Variants in AGBL5 observed in about 807,000 individuals in gnomAD.
The protein encoded by AGBL5 is cytosolic carboxypeptidase-like protein 5.
AGBL5 carries 51 observed loss-of-function variants against 88.0 expected under a neutral mutation model. The observed-to-expected ratio is 0.58, with a 90% CI of 0.46 to 0.73. The LOEUF (loss-of-function observed/expected upper bound fraction) is 0.73. Ranked by LOEUF, AGBL5 falls within the 30% of genes least tolerant of loss-of-function variation. The pLI is 0.00. For missense variants in AGBL5, 1,031 were observed against 1,162.2 expected, an observed-to-expected ratio of 0.89 and a Z score of 1.64; for synonymous variants, 446 against 438.8, an observed-to-expected ratio of 1.02 and a Z score of -0.21.
intron 4 of AGBL5, chr2:27,054,417 C>G: frequency 1.7e-6 from 1 of 589,114 alleles, no homozygotes; most frequent in Non-Finnish European, 2.9e-6. Context: ...AAGCCACAAA[C>G]TGGGGAACAA....
intron 11 of AGBL5, among the ~76,000 whole-genome samples, chr2:27,066,252 A>C (rs2148300238): frequency 6.6e-6 from 1 of 151,996 alleles, no homozygotes; most frequent in Admixed American, 6.6e-5. Context: ...AAAAAAAAAA[A>C]AACCTCAGGT....
At chr2:27,055,646 C>T in intron 6 of AGBL5, 36 bp from the exon 7 acceptor site, 1 of 1,585,834 alleles carries the variant, frequency 6.3e-7, no homozygotes, top group Non-Finnish European at 8.6e-7. Flanking sequence ...CTGGCCCAGT[C>T]CTCTAGAACC....
chr2:27,065,805 AAAAGG>A (rs1668957594), intron 11 of AGBL5, among the ~76,000 whole-genome samples: 1 of 152,204 alleles, frequency 6.6e-6, no homozygotes, highest in Admixed American at 6.5e-5. Flanking sequence ...GTTTCACTAG[AAAAGG>A]AAACAGTTCC....
chr2:27,053,682 T>A lies in AGBL5; in HGVS notation c.387+109T>A, dbSNP rs572126466. 1 of 1,447,016 alleles carries A rather than the reference T, an allele frequency of 6.9e-7. No individual in the cohort carries two copies. The highest frequency in any genetic ancestry group is 9.2e-7 in the Non-Finnish European group (1 of 1,086,816). The allele number at this position is 1,447,016 out of a possible 1,614,324, so 89.6% of individuals were successfully genotyped here. A position where few individuals can be genotyped will look rare whatever the true frequency, so the allele number is the denominator to read the frequency against. On this transcript the variant is annotated intron_variant, in intron 3 of 14. Coordinates refer to ENST00000360131, the MANE Select transcript of AGBL5 (RefSeq NM_021831.6). The surrounding 1 kb of genome is among the most constrained non-coding windows in gnomAD (Gnocchi z 4.9). The stretch of plus-strand genomic sequence containing the variant: ...GTATGAAGCAGGTGGGACAACAGGT[T>A]TAAGTATCAGCTTTTTCTCCAGTGT...
At chr2:27,060,613 C>A (rs1055907049) in intron 11 of AGBL5, among the ~76,000 whole-genome samples, 1 of 152,168 alleles carries the variant, frequency 6.6e-6, no homozygotes, top group Non-Finnish European at 1.5e-5. Context: ...TTGGTACAGA[C>A]CAGACATGTG....
Position 27,056,653 on chromosome 2 carries a change from T to C in AGBL5, c.1396T>C (p.Ser466Pro). 1.2e-6 allele frequency: 2 copies of C among 1,612,438 alleles called. No individual in the cohort carries two copies. Among genetic ancestry groups the C allele is most frequent in the Non-Finnish European group, 1.7e-6 (2 of 1,178,834 alleles). ...AAACATGCTATATCCAAAGCTCATC[T>C]CCTTGAATTCAGCCCACTTCGACTT... ...VENMLYPKLI[S>P]LNSAHFDFQG... The change falls in exon 8 of 15, where the codon TCC becomes CCC. Residue 466 changes from serine (S) to proline (P), a missense_variant. This residue lies in a region of AGBL5 where 540 missense variants were observed against 678.2 expected (regional missense o/e 0.80). Coordinates refer to ENST00000360131, the MANE Select transcript of AGBL5 (RefSeq NM_021831.6).
chr2:27,066,672 C>T (rs1263827127), intron 11 of AGBL5, among the ~76,000 whole-genome samples: 2 of 152,112 alleles, frequency 1.3e-5, no homozygotes, highest in Non-Finnish European at 2.9e-5. Flanking sequence ...TGGCCAGGTG[C>T]GGTGGCTCAC....
chr2:27,069,513 A>G, intron 13 of AGBL5, 60 bp from the exon 14 acceptor site: 2 of 1,587,998 alleles, frequency 1.3e-6, no homozygotes, highest in Non-Finnish European at 1.7e-6. Context: ...CTAGAAGCAA[A>G]CTAAAAGCAA....
chr2:27,064,553 C>G (rs1275986218), intron 11 of AGBL5, among the ~76,000 whole-genome samples: 1 of 152,062 alleles, frequency 6.6e-6, no homozygotes, highest in Non-Finnish European at 1.5e-5. Flanking sequence ...CCAGCCGCCT[C>G]AGCCTCCCAA....
At chr2:27,056,561 C>T in intron 7 of AGBL5, 62 bp from the exon 8 acceptor site, 3 of 1,447,836 alleles carry the variant, frequency 2.1e-6, no homozygotes, top group East Asian at 4.6e-5. Flanking sequence ...TACTTGCTAT[C>T]TCTTCCTTGC....
intron 4 of AGBL5, 147 bp from the exon 5 acceptor site, chr2:27,054,483 T>C (rs1320176426): frequency 1.4e-6 from 1 of 737,884 alleles, no homozygotes; most frequent in Non-Finnish European, 2.2e-6. Context: ...ACTCAAATCC[T>C]TAGCCTCATT....
chr2:27,057,653 A>G (rs912158460), intron 9 of AGBL5, among the ~76,000 whole-genome samples: 8 of 152,252 alleles, frequency 5.3e-5, no homozygotes, highest in Non-Finnish European at 8.8e-5. Flanking sequence ...CACATCACAG[A>G]GAATCCCCTA....
At position 27,070,302 on chromosome 2, in the gene AGBL5, A is replaced by G; in HGVS notation, c.*39A>G. 3 of 1,599,336 alleles carry G rather than the reference A, an allele frequency of 1.9e-6. No homozygotes were observed. Among genetic ancestry groups the G allele is most frequent in the Non-Finnish European group, 2.6e-6 (3 of 1,166,990 alleles). ...TTCAAGCCCAGGATATAGCCCCAAGATGGGGTAACAGTGGGAAATATGCTA... is the reference window on the plus strand; with the variant it reads ...TTCAAGCCCAGGATATAGCCCCAAGGTGGGGTAACAGTGGGAAATATGCTA... On this transcript the variant is annotated 3_prime_UTR_variant, in exon 15 of 15. Coordinates refer to ENST00000360131, the MANE Select transcript of AGBL5 (RefSeq NM_021831.6).
chr2:27,060,372 T>G (rs1668653636), intron 11 of AGBL5, among the ~76,000 whole-genome samples: 2 of 152,152 alleles, frequency 1.3e-5, no homozygotes, highest in African/African-American at 4.8e-5. Context: ...CAGATGGGCC[T>G]TTAGGGAAAA....
Position 27,054,733 on chromosome 2 carries a change from G to C in AGBL5, c.655G>C (p.Asp219His). 6.2e-7 allele frequency: 1 copy of C among 1,614,008 alleles called. No homozygotes were observed. Among genetic ancestry groups the C allele is most frequent in the Non-Finnish European group, 8.5e-7 (1 of 1,179,996 alleles). ...CACTTCCTGCCATGGGCTTCGAGAA[G>C]ATCGAGAGCCCCGTCTAGAGCAGCT... ...TITSCHGLRE[D>H]REPRLEQLFP... is the part of the protein sequence containing the mutation. The change falls in exon 5 of 15, where the codon GAT becomes CAT. Residue 219 changes from aspartate (D) to histidine (H), a missense_variant. Around this residue, in one of 2 missense-constraint regions of AGBL5, gnomAD observed 540 missense variants for 678.2 expected, o/e 0.80. Coordinates refer to ENST00000360131, the MANE Select transcript of AGBL5 (RefSeq NM_021831.6).
chr2:27,066,039 G>A (rs1198351218), intron 11 of AGBL5, among the ~76,000 whole-genome samples: 3 of 152,000 alleles, frequency 2.0e-5, no homozygotes, highest in Non-Finnish European at 2.9e-5. Flanking sequence ...CAGGAGGATC[G>A]CTTGAGCCCA....
In AGBL5 at chr2:27,067,602, A is replaced by G; in HGVS notation, c.2198A>G (p.His733Arg). Reference sequence around the variant, plus strand: ...ACTAGTTCTGGCCCAGCCTCCTCACACAAGCTGGGCTCCTGTCTACTGCCT... The same window carrying G: ...ACTAGTTCTGGCCCAGCCTCCTCACGCAAGCTGGGCTCCTGTCTACTGCCT... ...APTSSGPASSHKLGSCLLPDS... is the reference protein window; with the variant it reads ...APTSSGPASSRKLGSCLLPDS... The change falls in exon 12 of 15, where the codon CAC becomes CGC. Residue 733 changes from histidine to arginine, a missense_variant. This residue lies in a region of AGBL5 where 491 missense variants were observed against 484.0 expected (regional missense o/e 1.01). Transcript: ENST00000360131. 1 of 1,614,062 alleles carries G rather than the reference A, an allele frequency of 6.2e-7. No individual in the cohort carries two copies. The highest frequency in any genetic ancestry group is 8.5e-7 in the Non-Finnish European group (1 of 1,179,998).
intron 8 of AGBL5, 125 bp from the exon 9 acceptor site, chr2:27,057,178 T>G: frequency 9.1e-7 from 1 of 1,093,764 alleles, no homozygotes; most frequent in South Asian, 1.5e-5. Context: ...TATGGATTAT[T>G]AGCACTTTCA....
In AGBL5 at chr2:27,059,367, C is replaced by T. The variant is rs747030482; in HGVS notation, c.2052C>T (p.Thr684=). Residue 684 remains threonine (T), a synonymous_variant, in exon 11 of 15, where the codon ACC becomes ACT. Transcript: ENST00000360131. ...GGCTGCCAGGCCTGGGCTCTAGTAC[C>T]CAAAAGGTCACCCACCGGGTGCTGG... ...PAGLPGLGSS[T]QKVTHRVLGP... is the part of the protein sequence containing the mutation. 6.2e-7 allele frequency: 1 copy of T among 1,614,186 alleles called. No homozygotes were observed. Among genetic ancestry groups the T allele is most frequent in the Non-Finnish European group, 8.5e-7 (1 of 1,180,040 alleles).
Sources: allele counts gnomAD v4.1 joint callset (sites outside exome capture counted in the v4.1 genomes callset), GRCh38; gene constraint gnomAD v4.1.1; regional missense constraint gnomAD v4.1.1; non-coding constraint Gnocchi (gnomAD v3.1); transcripts MANE v1.5; gene names NCBI Gene and HGNC (gene_info 2026-07-23, HGNC 2026-07-21).